The following MAST1 variants were observed in gnomAD, a reference collection of about 807,000 sequenced individuals.
The protein encoded by MAST1 is microtubule-associated serine/threonine-protein kinase 1.
MAST1 carries 40 observed loss-of-function variants against 124.6 expected under a neutral mutation model. The observed-to-expected ratio is 0.32, with a 90% CI of 0.25 to 0.42. MAST1 has a LOEUF of 0.42. Ranked by LOEUF, MAST1 falls within the 10% of genes least tolerant of loss-of-function variation. MAST1 has a pLI of 1.00. For synonymous variants in MAST1, 938 were observed against 939.4 expected (o/e 1.00, Z 0.03); for missense variants, 1,558 against 2,181.9 (o/e 0.71, Z 5.70).
intron 7 of MAST1, chr19:12,848,377 T>C (rs1051313308): frequency 1.0e-5 from 3 of 296,178 alleles, no homozygotes; most frequent in Admixed American, 9.8e-5. Flanking sequence ...CCCAGCACTT[T>C]GGGAGGCCGA....
At chr19:12,860,411 C>T (rs370657927) in intron 12 of MAST1, among the ~76,000 whole-genome samples, 15 of 150,790 alleles carry the variant, frequency 9.9e-5, no homozygotes, top group East Asian at 7.8e-4. Flanking sequence ...CCACCACACC[C>T]GGCTTATACA....
chr19:12,871,422 T>G (rs1308369752), intron 24 of MAST1, among the ~76,000 whole-genome samples: 1 of 151,856 alleles, frequency 6.6e-6, no homozygotes, highest in Non-Finnish European at 1.5e-5. Context: ...GCCTGGCCAA[T>G]ATGGTGAAAC....
chr19:12,869,350 G>C (rs1166409111), intron 22 of MAST1, 55 bp downstream of exon 22: 2 of 1,457,930 alleles, frequency 1.4e-6, no homozygotes, highest in Non-Finnish European at 1.9e-6. Flanking sequence ...TGGGGAAAAG[G>C]CCCCTCCAGC....
intron 22 of MAST1, 95 bp downstream of exon 22, chr19:12,869,390 C>A: frequency 1.1e-6 from 1 of 927,980 alleles, no homozygotes. Flanking sequence ...TGAGACACCT[C>A]TGTGACCCTC....
chr19:12,847,708 G>T lies in MAST1; in HGVS notation c.564+21G>T. On this transcript the variant is annotated intron_variant, in intron 6 of 25. Transcript: ENST00000251472. This position sits in a 1 kb window ranked among gnomAD's most constrained non-coding sequence, Gnocchi z 5.5. ...CGAAGGTGAGGTGGGACCCGAGGCG[G>T]TCACGGGGTGACCAGGCGGCCTGCA... 6.2e-7 allele frequency: 1 copy of T among 1,611,956 alleles called. No homozygotes were observed. The highest frequency in any genetic ancestry group is 8.5e-7 in the Non-Finnish European group (1 of 1,178,778).
At position 12,866,805 on chromosome 19, in the gene MAST1, G is replaced by A. The variant is rs1970160562; in HGVS notation, c.2139+43G>A. On this transcript the variant is annotated intron_variant, in intron 18 of 25. Coordinates refer to ENST00000251472, the MANE Select transcript of MAST1 (RefSeq NM_014975.3). The surrounding 1 kb of genome is among the most constrained non-coding windows in gnomAD (Gnocchi z 5.2). ...GTGGGACAGGGCGAGACCCCAGGAGGGATGGGGCTTGGAGAGACAGTGAGA... is the reference window on the plus strand; with the variant it reads ...GTGGGACAGGGCGAGACCCCAGGAGAGATGGGGCTTGGAGAGACAGTGAGA... 7 of 1,509,268 alleles carry A rather than the reference G, an allele frequency of 4.6e-6. No individual in the cohort carries two copies. The East Asian group carries it at 1.6e-4, about 35-fold the overall frequency. 93.5% of individuals were successfully genotyped at this position (1,509,268 alleles called of 1,614,324 possible).
intron 20 of MAST1, among the ~76,000 whole-genome samples, 163 bp downstream of exon 20, chr19:12,868,140 A>C (rs1599590509): frequency 1.4e-5 from 1 of 70,236 alleles, no homozygotes; most frequent in Admixed American, 1.9e-4. Flanking sequence ...ACAGAGTCTC[A>C]CTCCATCACC....
intron 12 of MAST1, among the ~76,000 whole-genome samples, chr19:12,864,385 C>A (rs1158530387): frequency 2.8e-5 from 4 of 142,646 alleles, no homozygotes; most frequent in South Asian, 4.8e-4. Context: ...TGGAGTAAGA[C>A]CCTGTCTCAA....
intron 22 of MAST1, among the ~76,000 whole-genome samples, chr19:12,870,219 G>T (rs1420365786): frequency 6.8e-6 from 1 of 147,232 alleles, no homozygotes; most frequent in Non-Finnish European, 1.5e-5. Context: ...GCCAGGCGCG[G>T]TGGCTCACGC....
intron 12 of MAST1, 40 bp from the exon 13 acceptor site, chr19:12,864,769 A>G (rs1158236470): frequency 6.2e-7 from 1 of 1,611,362 alleles, no homozygotes; most frequent in East Asian, 2.2e-5. Flanking sequence ...AGAGAGAGGA[A>G]TGCCTCCCTT....
At chr19:12,840,617 C>T in intron 2 of MAST1, 83 bp downstream of exon 2, 1 of 1,013,564 alleles carries the variant, frequency 9.9e-7, no homozygotes, top group East Asian at 2.6e-5. Context: ...GGTCATGCTA[C>T]AGAAGGGGCG....
At position 12,874,855 on chromosome 19, in the gene MAST1, A is replaced by AC; in HGVS notation, c.4703dup (p.Pro1570ThrfsTer23). 3 of 1,597,280 alleles carry AC rather than the reference A, an allele frequency of 1.9e-6. No homozygotes were observed. The highest frequency in any genetic ancestry group is 1.7e-6 in the Non-Finnish European group (2 of 1,173,068). ...CCAAAAAAGGAGTGTCCAGTCCCGCACCCCCGGGACCATAGCCAAGGGGGT... is the reference window on the plus strand; with the variant it reads ...CCAAAAAAGGAGTGTCCAGTCCCGCACCCCCCGGGACCATAGCCAAGGGGGT... On this transcript the variant is annotated frameshift_variant, in exon 26 of 26. Coordinates refer to ENST00000251472, the MANE Select transcript of MAST1 (RefSeq NM_014975.3). LOFTEE classifies it high-confidence loss of function. This position sits in a 1 kb window ranked among gnomAD's most constrained non-coding sequence, Gnocchi z 6.6.
intron 12 of MAST1, among the ~76,000 whole-genome samples, chr19:12,859,897 T>A (rs542217328): frequency 6.6e-6 from 1 of 151,296 alleles, no homozygotes; most frequent in Non-Finnish European, 1.5e-5. Flanking sequence ...TTATGCAGTC[T>A]CCCTGTATTG....
At chr19:12,852,500 A>G in intron 10 of MAST1, 105 bp downstream of exon 10, 1 of 1,072,290 alleles carries the variant, frequency 9.3e-7, no homozygotes, top group Non-Finnish European at 1.4e-6. Context: ...TCTTGGTCCT[A>G]CACTCTGAGC....
In MAST1 at chr19:12,870,956, G is replaced by A; in HGVS notation, c.3126+10G>A. On this transcript the variant is annotated intron_variant, in intron 23 of 25. Coordinates refer to ENST00000251472, the MANE Select transcript of MAST1 (RefSeq NM_014975.3). ...GGAGCTGATCCTTAAGGTGAGTGCA[G>A]GGAAGGAGGCACCCTGGGCGGAGGG... The A allele has an allele frequency of 6.2e-7, 1 of 1,613,750 alleles. No homozygotes were observed. Among genetic ancestry groups the A allele is most frequent in the Non-Finnish European group, 8.5e-7 (1 of 1,179,796 alleles).
rs1037808090 is a variant in MAST1, at chr19:12,847,385, G to C, written c.423G>C (p.Glu141Asp). 3.7e-6 allele frequency: 6 copies of C among 1,613,978 alleles called. No homozygotes were observed. The South Asian group carries it at 6.6e-5, about 18-fold the overall frequency. ...TCTCCAAACACTTCGGGAGCACCGA[G>C]AGCATCACAGACGAGGATGGTGGCC... ...HFLSKHFGST[E>D]SITDEDGGRR... Residue 141 changes from glutamate to aspartate, a missense_variant, in exon 5 of 26, where the codon GAG (glutamate) becomes GAC (aspartate). Transcript: ENST00000251472. This position sits in a 1 kb window ranked among gnomAD's most constrained non-coding sequence, Gnocchi z 5.5.
In MAST1 at chr19:12,847,595, G is replaced by A. The variant is rs536711818; in HGVS notation, c.489-17G>A. ...TGGAGGCAGAGGACTCGACAAAATG[G>A]GCTTCTCTCCCCGCAGCCCCGGGCG... On this transcript the variant is annotated splice_polypyrimidine_tract_variant and intron_variant, in intron 5 of 25. Transcript: ENST00000251472. The surrounding 1 kb of genome is among the most constrained non-coding windows in gnomAD (Gnocchi z 5.5). 50 of 1,613,906 alleles carry A rather than the reference G, an allele frequency of 3.1e-5. No homozygotes were observed. The highest frequency in any genetic ancestry group is 4.1e-5 in the Non-Finnish European group (48 of 1,179,968).
chr19:12,870,731 G>A (rs1439352779), intron 22 of MAST1, 93 bp from the exon 23 acceptor site: 16 of 1,266,358 alleles, frequency 1.3e-5, no homozygotes, highest in Non-Finnish European at 1.6e-5. Flanking sequence ...GGATTCTAAT[G>A]CATGCAGAGC....
At chr19:12,871,012 C>T (rs552066154) in intron 23 of MAST1, 24 bp from the exon 24 acceptor site, 3 of 1,614,074 alleles carry the variant, frequency 1.9e-6, no homozygotes, top group African/African-American at 2.7e-5. Context: ...CCTAGCAGAG[C>T]ATTTTCCCGC....
Sources: allele counts gnomAD v4.1 joint callset (sites outside exome capture counted in the v4.1 genomes callset), GRCh38; gene constraint gnomAD v4.1.1; non-coding constraint Gnocchi (gnomAD v3.1); transcripts MANE v1.5; gene names NCBI Gene and HGNC (gene_info 2026-07-23, HGNC 2026-07-21).